The following BAIAP3 variants were observed in gnomAD, a reference collection of about 807,000 sequenced individuals.
BAIAP3 encodes BAI1 associated protein 3, also known as BAI1-associated protein 3.
A neutral mutation model predicts 149.7 loss-of-function variants in BAIAP3; 180 were observed. The observed-to-expected ratio is 1.20, with a 90% CI of 1.07 to 1.36. The LOEUF is 1.36. Ranked by LOEUF, BAIAP3 falls within the 40% of genes most tolerant of loss-of-function variation. The probability of loss-of-function intolerance (pLI) is 0.00; values close to 1 mark genes in which losing one functional copy is unlikely to be tolerated. For missense variants in BAIAP3, 1,767 were observed against 1,563.4 expected, an observed-to-expected ratio of 1.13 and a Z score of -2.20; for synonymous variants, 845 against 670.7, an observed-to-expected ratio of 1.26 and a Z score of -4.02.
chr16:1,336,405 TC>T, intron 1 of BAIAP3: 3 of 982,596 alleles, frequency 3.1e-6, no homozygotes, highest in South Asian at 4.7e-5. Context: ...AGGAGGTGAG[TC>T]CCCCCCGCAA....
Position 1,342,872 on chromosome 16 carries a change from G to A in BAIAP3, c.1162-41G>A, listed in dbSNP as rs769007129. The A allele has an allele frequency of 5.1e-5, 82 of 1,611,948 alleles. No homozygotes were observed. The Middle Eastern group carries it at 1.0e-3, about 20-fold the overall frequency. ...GCAGGGGGCCTGAGGAGGGGATGTG[G>A]GGCTGTCCCGCCTCCACCCACGACA... is the stretch of plus-strand genomic sequence containing the variant. On this transcript the variant is annotated intron_variant, in intron 13 of 33. Coordinates refer to ENST00000426824, the MANE Select transcript of BAIAP3 (RefSeq NM_001199097.2).
chr16:1,337,281 C>T (rs553207415), intron 1 of BAIAP3, among the ~76,000 whole-genome samples: 2 of 152,220 alleles, frequency 1.3e-5, no homozygotes, highest in African/African-American at 4.8e-5. Flanking sequence ...TTTGGGAGGC[C>T]GAGGCTGGTG....
At position 1,345,880 on chromosome 16, in the gene BAIAP3, A is replaced by C. The variant is rs1302006693; in HGVS notation, c.2198A>C (p.Gln733Pro). 6.3e-7 allele frequency: 1 copy of C among 1,576,816 alleles called. No individual in the cohort carries two copies. Among genetic ancestry groups the C allele is most frequent in the Non-Finnish European group, 8.6e-7 (1 of 1,162,474 alleles). Reference protein sequence around the residue: ...DPAQAQGLGTQLGQDVCEATL... With the variant: ...DPAQAQGLGTPLGQDVCEATL... ...GCCCAGGCTCAGGGGCTGGGCACCC[A>C]GCTTGGCCAGGTGTGTGGGTGGGCC... The change falls in exon 23 of 34, where the codon CAG becomes CCG. Residue 733 changes from glutamine to proline, a missense_variant. Coordinates refer to ENST00000426824, the MANE Select transcript of BAIAP3 (RefSeq NM_001199097.2).
chr16:1,343,906 G>A, intron 15 of BAIAP3, 116 bp from the exon 16 acceptor site: 1 of 1,504,220 alleles, frequency 6.6e-7, no homozygotes, highest in Non-Finnish European at 9.0e-7. Flanking sequence ...GCTGCTCAGA[G>A]CAGAGCTGGG....
chr16:1,342,040 C>T lies in BAIAP3; in HGVS notation c.831C>T (p.Val277=). The T allele has an allele frequency of 6.2e-7, 1 of 1,607,180 alleles. No homozygotes were observed. The highest frequency in any genetic ancestry group is 1.7e-4 in the Middle Eastern group (1 of 6,040). The change falls in exon 10 of 34, where the codon GTC becomes GTT. Residue 277 remains valine (V), a synonymous_variant. Transcript: ENST00000426824. The part of the protein sequence containing the change: ...LVEACRKLNE[V]IGLKGMGRYF... ...AAGCGTGCAGGAAGCTGAATGAAGT[C>T]ATCGGCCTGAAGGGCATGGGCAGGT...
chr16:1,338,866 G>A (rs765860992), intron 2 of BAIAP3, 36 bp from the exon 3 acceptor site: 3 of 1,611,344 alleles, frequency 1.9e-6, no homozygotes, highest in Non-Finnish European at 2.5e-6. Flanking sequence ...GGGCCAGCGT[G>A]CTGAGAGCTG....
In BAIAP3 at chr16:1,344,845, G is replaced by C. The variant is rs373118062; in HGVS notation, c.1805G>C (p.Arg602Pro). 2 of 1,613,758 alleles carry C rather than the reference G, an allele frequency of 1.2e-6. No homozygotes were observed. The highest frequency in any genetic ancestry group is 1.7e-6 in the Non-Finnish European group (2 of 1,180,028). Reference protein sequence around the residue: ...VFTLTFRQLERLVAEEAWVLT... With the variant: ...VFTLTFRQLEPLVAEEAWVLT... ...ACCCTGACCTTCCGGCAGCTGGAGCGTCTGGTGAGGAGGGTCCCTGACCCC... is the reference window on the plus strand; with the variant it reads ...ACCCTGACCTTCCGGCAGCTGGAGCCTCTGGTGAGGAGGGTCCCTGACCCC... The change falls in exon 20 of 34, where the codon CGT (arginine) becomes CCT (proline). Residue 602 changes from arginine (R) to proline (P), a missense_variant. Arg to Pro is a moderately radical substitution (Grantham distance 103). Coordinates refer to ENST00000426824, the MANE Select transcript of BAIAP3 (RefSeq NM_001199097.2).
chr16:1,345,339 G>C lies in BAIAP3; in HGVS notation c.2031G>C (p.Lys677Asn), dbSNP rs779652173. Residue 677 changes from lysine to asparagine, a missense_variant, in exon 22 of 34, where the codon AAG (lysine) becomes AAC (asparagine). By Grantham distance (94) the Lys-to-Asn change is moderately conservative. Coordinates refer to ENST00000426824, the MANE Select transcript of BAIAP3 (RefSeq NM_001199097.2). ...LWFQVLRDQA[K>N]WRLQGAVDMD... ...TCCAAGTGCTGAGGGACCAGGCCAA[G>C]TGGAGGCTTCAGGGAGCCGTGGACA... 1 of 1,612,952 alleles carries C rather than the reference G, an allele frequency of 6.2e-7. No homozygotes were observed. The highest frequency in any genetic ancestry group is 1.1e-5 in the South Asian group (1 of 91,078).
chr16:1,345,372 G>A lies in BAIAP3; in HGVS notation c.2064G>A (p.Thr688=), dbSNP rs760267145. The part of the protein sequence containing the change: ...WRLQGAVDMD[T]LEPVDASSRH... ...TTCAGGGAGCCGTGGACATGGACAC[G>A]GTGACAGCTGCCCTGGCCTGAGGAC... is the stretch of plus-strand genomic sequence containing the variant. Residue 688 remains threonine (T), a splice_region_variant and synonymous_variant, in exon 22 of 34, where the codon ACG becomes ACA. Coordinates refer to ENST00000426824, the MANE Select transcript of BAIAP3 (RefSeq NM_001199097.2). 7 of 1,611,192 alleles carry A rather than the reference G, an allele frequency of 4.3e-6. No individual in the cohort carries two copies. The East Asian group carries it at 6.7e-5, about 15-fold the overall frequency.
chr16:1,345,660 C>CT, intron 22 of BAIAP3, 87 bp from the exon 23 acceptor site: 1 of 562,918 alleles, frequency 1.8e-6, no homozygotes, highest in South Asian at 1.8e-5. Flanking sequence ...TCCTCCGCAA[C>CT]CCCAGCCTCC....
chr16:1,339,031 T>C (rs1292726694), intron 3 of BAIAP3, 42 bp downstream of exon 3: 1 of 1,609,590 alleles, frequency 6.2e-7, no homozygotes, highest in Non-Finnish European at 8.5e-7. Context: ...CAGCCCAGCA[T>C]GGGGCTCCCC....
Position 1,345,894 on chromosome 16 carries a change from T to A in BAIAP3, c.2208+4T>A, listed in dbSNP as rs755747206. 2.0e-5 allele frequency: 31 copies of A among 1,577,628 alleles called. No individual in the cohort carries two copies. Among genetic ancestry groups the A allele is most frequent in the Non-Finnish European group, 2.5e-5 (29 of 1,162,812 alleles). ...GCTGGGCACCCAGCTTGGCCAGGTG[T>A]GTGGGTGGGCCCTGGGGGTGAGGGG... On this transcript the variant is annotated splice_donor_region_variant and intron_variant, in intron 23 of 33. Coordinates refer to ENST00000426824, the MANE Select transcript of BAIAP3 (RefSeq NM_001199097.2).
chr16:1,339,016 T>TA lies in BAIAP3; in HGVS notation c.219+28dup, dbSNP rs759076528. On this transcript the variant is annotated intron_variant, in intron 3 of 33. Coordinates refer to ENST00000426824, the MANE Select transcript of BAIAP3 (RefSeq NM_001199097.2). ...TAAGGGTGCCACCCCCAGGGCCCGATACCACAGCCCAGCATGGGGCTCCCC... is the reference window on the plus strand; with the variant it reads ...TAAGGGTGCCACCCCCAGGGCCCGATAACCACAGCCCAGCATGGGGCTCCCC... The TA allele has an allele frequency of 6.8e-6, 11 of 1,611,378 alleles. No individual in the cohort carries two copies. In the African/African-American group the frequency reaches 9.4e-5, roughly 14 times the overall value.
intron 8 of BAIAP3, 101 bp downstream of exon 8, chr16:1,341,590 T>C: frequency 7.0e-7 from 1 of 1,428,108 alleles, no homozygotes. Context: ...TCCCGGTCTC[T>C]TTGGGGCCGT....
rs762460088 is a variant in BAIAP3, at chr16:1,341,011, G to A, written c.468+30G>A. ...GGCCGCCACTGCCTGGGCAGGCACTGACCAGCACGTGCCTGCGTGGCGGGG... is the reference window on the plus strand; with the variant it reads ...GGCCGCCACTGCCTGGGCAGGCACTAACCAGCACGTGCCTGCGTGGCGGGG... On this transcript the variant is annotated intron_variant, in intron 6 of 33. Coordinates refer to ENST00000426824, the MANE Select transcript of BAIAP3 (RefSeq NM_001199097.2). The A allele has an allele frequency of 2.5e-6, 4 of 1,607,570 alleles. No individual in the cohort carries two copies. In the South Asian group the frequency reaches 4.4e-5, roughly 18 times the overall value.
Position 1,344,303 on chromosome 16 carries a change from G to C in BAIAP3, c.1588G>C (p.Ala530Pro), listed in dbSNP as rs1567167235. Residue 530 changes from alanine to proline, a missense_variant, in exon 17 of 34, where the codon GCT becomes CCT. Transcript: ENST00000426824. ...PFESELNMDI[A>P]AALKRGNREW... ...CGAGTCGGAGCTGAACATGGACATT[G>C]CTGCGGCCCTGAAGGTGTGTTCCAA... The C allele has an allele frequency of 6.2e-7, 1 of 1,613,908 alleles. No homozygotes were observed. The highest frequency in any genetic ancestry group is 8.5e-7 in the Non-Finnish European group (1 of 1,180,016).
intron 15 of BAIAP3, 93 bp downstream of exon 15, chr16:1,343,606 G>A (rs2034089724): frequency 1.3e-6 from 2 of 1,516,946 alleles, no homozygotes; most frequent in Admixed American, 2.0e-5. Flanking sequence ...GCAGAGTCCT[G>A]CCCGCGTGGG....
intron 20 of BAIAP3, 58 bp from the exon 21 acceptor site, chr16:1,344,911 G>A (rs1596582123): frequency 7.4e-6 from 12 of 1,613,490 alleles, no homozygotes; most frequent in Non-Finnish European, 1.0e-5. Context: ...GATGCCCTTG[G>A]CTAGGACGGT....
intron 1 of BAIAP3, 34 bp from the exon 2 acceptor site, chr16:1,338,506 G>A (rs779237647): frequency 3.8e-6 from 6 of 1,560,646 alleles, no homozygotes; most frequent in South Asian, 2.3e-5. Context: ...TTGAGTGGAC[G>A]ACCTGAGGCT....
Sources: allele counts gnomAD v4.1 joint callset (sites outside exome capture counted in the v4.1 genomes callset), GRCh38; gene constraint gnomAD v4.1.1; transcripts MANE v1.5; gene names NCBI Gene and HGNC (gene_info 2026-07-23, HGNC 2026-07-21).